GRID1: variants seen among roughly 807,000 people sequenced by gnomAD.
The protein encoded by GRID1 is glutamate receptor ionotropic, delta-1.
GRID1 carries 28 observed loss-of-function variants against 98.0 expected under a neutral mutation model. The ratio of observed to expected loss-of-function variants is 0.29; its 90% CI spans 0.21 to 0.39. The LOEUF (loss-of-function observed/expected upper bound fraction) is 0.39, where lower values mean the gene tolerates loss of function less well. Among genes scored for constraint, GRID1 ranks in the 10% least tolerant of loss-of-function variants. The pLI is 1.00. For missense variants in GRID1, 1,111 were observed against 1,340.5 expected (o/e 0.83, Z 2.67); for synonymous variants, 553 against 538.5 (o/e 1.03, Z -0.37).
At chr10:86,139,712 G>C (rs1190134381) in intron 3 of GRID1, among the ~76,000 whole-genome samples, 2 of 152,260 alleles carry the variant, frequency 1.3e-5, no homozygotes, top group African/African-American at 4.8e-5. Context: ...GGGATGAGCA[G>C]GGGGTTCAAG....
rs573610421 is a variant in GRID1 at position 85,876,437 on chromosome 10, T to G, written c.781-7257A>C. Among the ~76,000 whole-genome samples the G allele has an allele frequency of 4.6e-5, 7 of 152,260 alleles. No homozygotes were observed. In the South Asian group the frequency reaches 1.5e-3, roughly 32 times the overall value. On this transcript the variant is annotated intron_variant, in intron 5 of 15. Transcript: ENST00000327946. ...GTTCCTCTTATAAAGATGCTGGGAT[T>G]GCATTTAACACCTATCCAGATAACC...
chr10:85,971,975 C>T (rs1383741772), intron 4 of GRID1, among the ~76,000 whole-genome samples: 2 of 152,054 alleles, frequency 1.3e-5, no homozygotes, highest in Non-Finnish European at 2.9e-5. Context: ...AAATAAATGA[C>T]CGTATATTCT....
chr10:85,867,870 T>G (rs1843236863), intron 6 of GRID1, among the ~76,000 whole-genome samples: 1 of 152,258 alleles, frequency 6.6e-6, no homozygotes, highest in Admixed American at 6.5e-5. Flanking sequence ...TTTCTCATGT[T>G]TACCATCCGT....
intron 12 of GRID1, among the ~76,000 whole-genome samples, chr10:85,692,490 C>T (rs1316815238): frequency 6.6e-6 from 1 of 151,598 alleles, no homozygotes; most frequent in Non-Finnish European, 1.5e-5. Context: ...GGCAAAATCT[C>T]ATCTCTATAA....
chr10:85,917,132 A>C (rs1346169730), intron 4 of GRID1, among the ~76,000 whole-genome samples: 1 of 152,170 alleles, frequency 6.6e-6, no homozygotes, highest in East Asian at 1.9e-4. Context: ...GAATTGGAAG[A>C]GACTGATGGT....
chr10:85,728,074 T>C, intron 9 of GRID1, 22 bp from the exon 10 acceptor site: 11 of 1,515,498 alleles, frequency 7.3e-6, no homozygotes, highest in Non-Finnish European at 1.0e-5. Context: ...AGAATGAAGG[T>C]TCTCCAATTA....
intron 3 of GRID1, among the ~76,000 whole-genome samples, chr10:86,153,128 G>A (rs1392572550): frequency 3.3e-5 from 5 of 152,066 alleles, no homozygotes; most frequent in Non-Finnish European, 5.9e-5. Flanking sequence ...AGAGCTTCCC[G>A]TGCCTGAGCC....
chr10:85,838,696 A>G (rs1842934148), intron 8 of GRID1, among the ~76,000 whole-genome samples: 1 of 152,208 alleles, frequency 6.6e-6, no homozygotes, highest in Non-Finnish European at 1.5e-5. Context: ...ACAAAAATAC[A>G]CTGAAGTACA....
At chr10:85,728,570 AG>A (rs1382172868) in intron 9 of GRID1, among the ~76,000 whole-genome samples, 1 of 152,232 alleles carries the variant, frequency 6.6e-6, no homozygotes, top group Non-Finnish European at 1.5e-5. Flanking sequence ...CAGAAGCCAA[AG>A]GGTAGGACAG....
At chr10:86,102,331 C>G (rs568421212) in intron 4 of GRID1, among the ~76,000 whole-genome samples, 1 of 152,236 alleles carries the variant, frequency 6.6e-6, no homozygotes, top group Non-Finnish European at 1.5e-5. Flanking sequence ...TAATCAGAAT[C>G]CAGACACATG....
At position 85,602,364 on chromosome 10, in the gene GRID1, G is replaced by A. The variant is rs777504269; in HGVS notation, c.2939C>T (p.Pro980Leu). The A allele has an allele frequency of 1.2e-5, 19 of 1,601,154 alleles. No individual in the cohort carries two copies. In the Admixed American group the frequency reaches 2.4e-4, roughly 20 times the overall value. The change falls in exon 16 of 16, where the codon CCG becomes CTG. Residue 980 changes from proline to leucine, a missense_variant. Around this residue, in one of 3 missense-constraint regions of GRID1, gnomAD observed 762 missense variants for 869.1 expected, o/e 0.88. Transcript: ENST00000327946. ...SPNGGLFRQS[P>L]VKTPIPMSFQ... ...GGACATGGGGATGGGGGTCTTCACC[G>A]GGCTCTGCCGGAACAGCCCCCCGTT...
Position 86,206,645 on chromosome 10 carries a change from C to T in GRID1, c.239G>A (p.Cys80Tyr). ...CAAAATCCCCTGGGTCATGAGGTCA[C>T]AGGCTAGAAAGAGAGAAGAGAGAGA... ...NNPFQAVQEACDLMTQGILAL... is the reference protein window; with the variant it reads ...NNPFQAVQEAYDLMTQGILAL... Residue 80 changes from cysteine (C) to tyrosine (Y), a missense_variant, in exon 3 of 16, where the codon TGT becomes TAT. Physicochemically the swap from Cys to Tyr is radical, Grantham distance 194. Transcript: ENST00000327946. The surrounding 1 kb of genome is among the most constrained non-coding windows in gnomAD (Gnocchi z 4.1). 1 of 1,611,692 alleles carries T rather than the reference C, an allele frequency of 6.2e-7. No homozygotes were observed. The highest frequency in any genetic ancestry group is 8.5e-7 in the Non-Finnish European group (1 of 1,178,108).
At chr10:86,237,970 A>T (rs1846568543) in intron 2 of GRID1, among the ~76,000 whole-genome samples, 1 of 152,222 alleles carries the variant, frequency 6.6e-6, no homozygotes, top group Non-Finnish European at 1.5e-5. Flanking sequence ...AGATACCTGA[A>T]AATGTAGAAG....
At position 86,366,383 on chromosome 10, in the gene GRID1, G is replaced by C; in HGVS notation, c.10C>G (p.Leu4Val). 6.6e-7 allele frequency: 1 copy of C among 1,508,436 alleles called. No homozygotes were observed. Among genetic ancestry groups the C allele is most frequent in the South Asian group, 1.2e-5 (1 of 80,966 alleles). 93.4% of individuals were successfully genotyped at this position (1,508,436 alleles called of 1,614,324 possible). MEA[L>V]TLWLLPWICQ... ...ATCCAGGGGAGAAGCCACAGCGTCA[G>C]CGCTTCCATGTCCCCCGGGCGCGCG... The change falls in exon 1 of 16, where the codon CTG (leucine) becomes GTG (valine). Residue 4 changes from leucine to valine, a missense_variant. Around this residue, in one of 3 missense-constraint regions of GRID1, gnomAD observed 346 missense variants for 452.3 expected, o/e 0.76. Coordinates refer to ENST00000327946, the MANE Select transcript of GRID1 (RefSeq NM_017551.3). The surrounding 1 kb of genome is among the most constrained non-coding windows in gnomAD (Gnocchi z 4.1).
At chr10:85,717,681 C>A (rs113252254) in intron 12 of GRID1, among the ~76,000 whole-genome samples, 68 of 152,162 alleles carry the variant, frequency 4.5e-4, no homozygotes, top group Non-Finnish European at 6.9e-4. Flanking sequence ...GCCTTCCCAA[C>A]AATCCTCCAA....
intron 2 of GRID1, among the ~76,000 whole-genome samples, chr10:86,302,153 A>G (rs1019612318): frequency 5.3e-5 from 8 of 152,250 alleles, no homozygotes; most frequent in Admixed American, 1.3e-4. Flanking sequence ...GGTCACAGCC[A>G]GGTGAGGTCT....
intron 3 of GRID1, among the ~76,000 whole-genome samples, chr10:86,178,010 A>G (rs561156201): frequency 2.6e-5 from 4 of 152,016 alleles, no homozygotes; most frequent in African/African-American, 7.2e-5. Flanking sequence ...CACAGCCTTG[A>G]GGGGCACCAG....
chr10:86,177,623 A>G (rs779130990), intron 3 of GRID1, among the ~76,000 whole-genome samples: 6 of 151,092 alleles, frequency 4.0e-5, no homozygotes, highest in Non-Finnish European at 8.9e-5. Flanking sequence ...TGACACAGAG[A>G]AAGAGACTTT....
intron 4 of GRID1, among the ~76,000 whole-genome samples, chr10:86,065,719 C>T (rs1843710972): frequency 6.6e-6 from 1 of 152,226 alleles, no homozygotes; most frequent in Non-Finnish European, 1.5e-5. Context: ...GCAAGACTGA[C>T]CACGAGGCAG....
Sources: gnomAD v4.1 joint callset for allele counts (sites outside exome capture counted in the v4.1 genomes callset) on GRCh38, gnomAD v4.1.1 for gene constraint, gnomAD v4.1.1 regional missense constraint, Gnocchi (gnomAD v3.1) non-coding constraint, MANE v1.5 for transcripts, NCBI Gene and HGNC (gene_info 2026-07-23, HGNC 2026-07-21) for gene names.